STEAP1B: variants seen among roughly 807,000 people sequenced by gnomAD.
STEAP1B encodes STEAP family member 1B.
STEAP1B carries 13 observed loss-of-function variants against 27.9 expected under a neutral mutation model. The ratio of observed to expected loss-of-function variants is 0.47; its 90% CI spans 0.30 to 0.74. The LOEUF is 0.74. Among genes scored for constraint, STEAP1B ranks in the 30% least tolerant of loss-of-function variants. The pLI is 0.06. For synonymous variants in STEAP1B, 86 were observed against 107.1 expected, an observed-to-expected ratio of 0.80 and a Z score of 1.22; for missense variants, 250 against 298.7, an observed-to-expected ratio of 0.84 and a Z score of 1.20.
At chr7:22,436,416 T>A (rs1374129633) in intron 4 of STEAP1B, among the ~76,000 whole-genome samples, 2 of 137,220 alleles carry the variant, frequency 1.5e-5, no homozygotes, top group Non-Finnish European at 3.3e-5. Flanking sequence ...CCCTTAGCCA[T>A]TTTTTTAAAT....
chr7:22,474,029 G>A lies in STEAP1B; in HGVS notation c.762+18536C>T, dbSNP rs568122349. Among the ~76,000 whole-genome samples the A allele has an allele frequency of 7.9e-5, 12 of 152,312 alleles. No homozygotes were observed. In the South Asian group the frequency reaches 8.3e-4, roughly 11 times the overall value. On this transcript the variant is annotated intron_variant, in intron 4 of 4. Transcript: ENST00000678116. ...TGTTTTATTATTAAAGGTCAAAGGG[G>A]TAATATAAACAGTTATGGGATGCTA... is the stretch of plus-strand genomic sequence containing the variant.
At chr7:22,446,628 C>T (rs1785413117) in intron 4 of STEAP1B, among the ~76,000 whole-genome samples, 1 of 152,218 alleles carries the variant, frequency 6.6e-6, no homozygotes, top group Admixed American at 6.5e-5. Context: ...TGGACACTTC[C>T]ATTGGAATAT....
intron 4 of STEAP1B, among the ~76,000 whole-genome samples, chr7:22,441,819 C>T (rs191856790): frequency 1.4e-4 from 21 of 152,340 alleles, no homozygotes; most frequent in East Asian, 1.9e-4. Context: ...GCACATACTG[C>T]GGCTTCACCA....
chr7:22,466,453 A>C (rs955788108), intron 4 of STEAP1B, among the ~76,000 whole-genome samples: 1 of 144,664 alleles, frequency 6.9e-6, no homozygotes, highest in Non-Finnish European at 1.5e-5. Context: ...AAATATGTAC[A>C]TGTATGACCA....
At chr7:22,420,021 T>A (rs140877264) in intron 4 of STEAP1B, among the ~76,000 whole-genome samples, 185 bp from the exon 5 acceptor site, 2 of 152,206 alleles carry the variant, frequency 1.3e-5, no homozygotes, top group African/African-American at 4.8e-5. Context: ...GGGCCTAGAA[T>A]TCCGGTGTGG....
intron 4 of STEAP1B, among the ~76,000 whole-genome samples, chr7:22,422,655 G>A (rs972967815): frequency 3.9e-5 from 6 of 152,068 alleles, no homozygotes; most frequent in East Asian, 3.9e-4. Flanking sequence ...CCCTAGGCTC[G>A]GCTAATTTTT....
intron 4 of STEAP1B, among the ~76,000 whole-genome samples, chr7:22,420,331 G>C (rs1034548075): frequency 4.8e-4 from 73 of 152,268 alleles, no homozygotes; most frequent in African/African-American, 1.8e-3. Flanking sequence ...TCCAGCCTGG[G>C]GGATGATAAA....
chr7:22,498,101 G>C (rs902528047), intron 1 of STEAP1B, among the ~76,000 whole-genome samples: 40 of 152,326 alleles, frequency 2.6e-4, no homozygotes, highest in Non-Finnish European at 5.9e-5. Context: ...CATCTGACAG[G>C]AGGTGGAGCT....
intron 4 of STEAP1B, chr7:22,438,570 AT>A: frequency 6.4e-7 from 1 of 1,552,144 alleles, no homozygotes. Context: ...GAGAGCTAAC[AT>A]TTCCCTTTGA....
intron 4 of STEAP1B, among the ~76,000 whole-genome samples, chr7:22,486,788 T>C (rs1786216187): frequency 6.6e-6 from 1 of 152,026 alleles, no homozygotes; most frequent in African/African-American, 2.4e-5. Context: ...CCTTCCTTTC[T>C]AGCCACACTG....
At chr7:22,484,723 G>A (rs1786170240) in intron 4 of STEAP1B, among the ~76,000 whole-genome samples, 1 of 152,194 alleles carries the variant, frequency 6.6e-6, no homozygotes, top group Admixed American at 6.5e-5. Context: ...TCTGGGCAAA[G>A]TCAATTGAGA....
intron 4 of STEAP1B, among the ~76,000 whole-genome samples, chr7:22,434,974 C>A (rs113316749): frequency 0.042 from 6,441 of 152,174 alleles, 223 homozygotes; most frequent in East Asian, 0.17. Flanking sequence ...TAGCTACTAG[C>A]CACATGTGGC....
At chr7:22,463,783 TA>T (rs1248373340) in intron 4 of STEAP1B, among the ~76,000 whole-genome samples, 1 of 151,828 alleles carries the variant, frequency 6.6e-6, no homozygotes, top group Admixed American at 6.6e-5. Flanking sequence ...ATCCCTTCCT[TA>T]CACCTTATAC....
chr7:22,423,248 C>T (rs1309378339), intron 4 of STEAP1B, among the ~76,000 whole-genome samples: 3 of 152,124 alleles, frequency 2.0e-5, no homozygotes, highest in Non-Finnish European at 4.4e-5. Context: ...CCATATGTCC[C>T]AGCAATTCCA....
chr7:22,439,803 T>C lies in STEAP1B; in HGVS notation c.763-19967A>G, dbSNP rs977395165. 3.9e-5 allele frequency among the ~76,000 whole-genome samples: 6 copies of C among 152,296 alleles called. No homozygotes were observed. In the East Asian group the frequency reaches 1.2e-3, roughly 29 times the overall value. On this transcript the variant is annotated intron_variant, in intron 4 of 4. Coordinates refer to ENST00000678116, the MANE Select transcript of STEAP1B (RefSeq NM_001382447.1). ...TTCTACATATAAGGTAACTATAGTA[T>C]GAAATTCTTGTGGCAGAGCTTATAT...
intron 4 of STEAP1B, among the ~76,000 whole-genome samples, chr7:22,436,249 T>C (rs905901660): frequency 3.9e-5 from 6 of 152,182 alleles, no homozygotes; most frequent in African/African-American, 1.4e-4. Flanking sequence ...CAAAAAGCTG[T>C]ACATATGTAA....
At chr7:22,487,332 C>A (rs887278237) in intron 4 of STEAP1B, among the ~76,000 whole-genome samples, 1 of 152,140 alleles carries the variant, frequency 6.6e-6, no homozygotes, top group Admixed American at 6.5e-5. Flanking sequence ...AGGACATGAT[C>A]TCTGCTCTCA....
At chr7:22,438,682 C>T in intron 4 of STEAP1B, 1 of 1,551,812 alleles carries the variant, frequency 6.4e-7, no homozygotes, top group Non-Finnish European at 8.7e-7. Context: ...ATTTGGTGTG[C>T]CTACCAGTTG....
intron 4 of STEAP1B, among the ~76,000 whole-genome samples, chr7:22,482,425 G>GT (rs762197339): frequency 2.6e-5 from 4 of 152,200 alleles, no homozygotes; most frequent in Non-Finnish European, 5.9e-5. Flanking sequence ...GCTATCTGAA[G>GT]TTTAACTGGA....
Sources: allele counts gnomAD v4.1 joint callset (sites outside exome capture counted in the v4.1 genomes callset), GRCh38; gene constraint gnomAD v4.1.1; transcripts MANE v1.5; gene names NCBI Gene and HGNC (gene_info 2026-07-23, HGNC 2026-07-21).